COBLL1: variants seen among roughly 807,000 people sequenced by gnomAD.
COBLL1 encodes cordon-bleu protein-like 1.
In COBLL1, 50 loss-of-function variants were observed where a neutral mutation model predicts 94.8. That is an observed-to-expected ratio of 0.53 (90% CI 0.42 to 0.67). The LOEUF (loss-of-function observed/expected upper bound fraction) is 0.67. Ranked by LOEUF, COBLL1 falls within the 30% of genes least tolerant of loss-of-function variation. COBLL1 has a pLI of 0.00. For missense variants in COBLL1, 1,362 were observed against 1,348.7 expected (o/e 1.01, Z -0.15); for synonymous variants, 448 against 473.8 (o/e 0.95, Z 0.71).
chr2:164,714,383 A>C (rs933739418), intron 7 of COBLL1, among the ~76,000 whole-genome samples: 1 of 151,916 alleles, frequency 6.6e-6, no homozygotes, highest in Admixed American at 6.6e-5. Context: ...AAAAAAAAAA[A>C]AAAAAACCAG....
intron 2 of COBLL1, among the ~76,000 whole-genome samples, chr2:164,805,324 TC>T (rs1559033394): frequency 5.3e-5 from 3 of 57,058 alleles, no homozygotes; most frequent in African/African-American, 2.0e-4. Flanking sequence ...TCTCTCTCTC[TC>T]TCTCTCTCTC....
intron 2 of COBLL1, among the ~76,000 whole-genome samples, chr2:164,823,441 C>T (rs960278254): frequency 6.6e-6 from 1 of 152,110 alleles, no homozygotes; most frequent in African/African-American, 2.4e-5. Flanking sequence ...GTCCACAGGC[C>T]CAGTTTCTTC....
intron 2 of COBLL1, among the ~76,000 whole-genome samples, chr2:164,747,585 G>A (rs1574512494): frequency 6.6e-6 from 1 of 152,234 alleles, no homozygotes; most frequent in East Asian, 1.9e-4. Context: ...CCAGGTTCAA[G>A]CGATTCTTGT....
intron 2 of COBLL1, among the ~76,000 whole-genome samples, chr2:164,795,529 C>A (rs1460698763): frequency 2.0e-5 from 3 of 152,074 alleles, no homozygotes; most frequent in Non-Finnish European, 4.4e-5. Context: ...TGACCAATGA[C>A]CCGCTCCCAG....
intron 2 of COBLL1, among the ~76,000 whole-genome samples, chr2:164,753,285 T>C (rs1687215473): frequency 6.6e-6 from 1 of 152,154 alleles, no homozygotes; most frequent in African/African-American, 2.4e-5. Context: ...TCAATTATTT[T>C]ACATTTCAAC....
In COBLL1 at chr2:164,682,132, C is replaced by T. The variant is rs984161259; in HGVS notation, c.*3814G>A. 6.6e-6 allele frequency: 1 copy of T among 152,160 alleles called. No homozygotes were observed. The highest frequency in any genetic ancestry group is 1.5e-5 in the Non-Finnish European group (1 of 68,020). 9.4% of individuals were successfully genotyped at this position (152,160 alleles called of 1,614,324 possible). A position where few individuals can be genotyped will look rare whatever the true frequency, so the allele number is the denominator to read the frequency against. ...GTGGGACTCTGAGACTCCTCTGCTT[C>T]TGTGACCTTTGTAAAGTAGCAATCT... On this transcript the variant is annotated 3_prime_UTR_variant, in exon 14 of 14. Transcript: ENST00000652658.
intron 2 of COBLL1, among the ~76,000 whole-genome samples, chr2:164,767,351 A>G (rs1336742262): frequency 1.3e-5 from 2 of 152,206 alleles, no homozygotes; most frequent in Non-Finnish European, 2.9e-5. Flanking sequence ...TGATTTAGAA[A>G]AATTATCAAA....
chr2:164,742,228 CAG>C (rs1314045901), intron 3 of COBLL1, among the ~76,000 whole-genome samples: 1 of 151,830 alleles, frequency 6.6e-6, no homozygotes, highest in Non-Finnish European at 1.5e-5. Flanking sequence ...TGATAGCAAA[CAG>C]AGAATAAGGC....
rs77965336 is a variant in COBLL1 at position 164,765,798 on chromosome 2, T to C, written c.42-21923A>G. 5.2e-3 allele frequency among the ~76,000 whole-genome samples: 793 copies of C among 152,338 alleles called. 12 individuals carry two copies. Among genetic ancestry groups the C allele is most frequent in the African/African-American group, 0.018 (731 of 41,574 alleles). Reference sequence around the variant, plus strand: ...CTAATCAAAAATACATTTAGGAATATTGACCTCCTAAATGAAGGTCGCTTT... The same window carrying C: ...CTAATCAAAAATACATTTAGGAATACTGACCTCCTAAATGAAGGTCGCTTT... On this transcript the variant is annotated intron_variant, in intron 2 of 13. Coordinates refer to ENST00000652658, the MANE Select transcript of COBLL1 (RefSeq NM_001365672.2).
In COBLL1 at chr2:164,685,702, A is replaced by G; in HGVS notation, c.*244T>C. Reference sequence around the variant, plus strand: ...CATTTGTAAAAAATGAAAATCATTTACACCTTGTTTTAAAGTTCTAAAGCA... The same window carrying G: ...CATTTGTAAAAAATGAAAATCATTTGCACCTTGTTTTAAAGTTCTAAAGCA... On this transcript the variant is annotated 3_prime_UTR_variant, in exon 14 of 14. Coordinates refer to ENST00000652658, the MANE Select transcript of COBLL1 (RefSeq NM_001365672.2). 3.0e-6 allele frequency: 1 copy of G among 331,790 alleles called. No homozygotes were observed. Among genetic ancestry groups the G allele is most frequent in the Non-Finnish European group, 5.4e-6 (1 of 186,732 alleles). The allele number at this position is 331,790 out of a possible 1,614,324, so 20.6% of individuals were successfully genotyped here. A position where few individuals can be genotyped will look rare whatever the true frequency, so the allele number is the denominator to read the frequency against.
chr2:164,818,746 G>GTA (rs758908378), intron 2 of COBLL1, among the ~76,000 whole-genome samples: 2 of 141,526 alleles, frequency 1.4e-5, no homozygotes, highest in Non-Finnish European at 3.0e-5. Context: ...TAAACATATA[G>GTA]TATATATATG....
At chr2:164,816,499 C>T (rs1022977922) in intron 2 of COBLL1, among the ~76,000 whole-genome samples, 1 of 152,082 alleles carries the variant, frequency 6.6e-6, no homozygotes, top group Non-Finnish European at 1.5e-5. Context: ...TTGGAAATAA[C>T]CCTGCAGTGT....
intron 13 of COBLL1, 41 bp from the exon 14 acceptor site, chr2:164,686,073 T>A: frequency 9.1e-7 from 1 of 1,095,296 alleles, no homozygotes; most frequent in Non-Finnish European, 1.3e-6. Flanking sequence ...CAATTTAAAA[T>A]GGGATAGCTG....
chr2:164,785,549 G>A (rs774178540), intron 2 of COBLL1, among the ~76,000 whole-genome samples: 6 of 152,122 alleles, frequency 3.9e-5, no homozygotes, highest in Admixed American at 1.3e-4. Context: ...AATAGGCAAA[G>A]CCCTTCATGA....
At chr2:164,754,110 A>C (rs1687273835) in intron 2 of COBLL1, among the ~76,000 whole-genome samples, 1 of 152,160 alleles carries the variant, frequency 6.6e-6, no homozygotes, top group Admixed American at 6.5e-5. Context: ...ATAACATCTG[A>C]GTTGAGAAGT....
At chr2:164,776,576 T>TA (rs1688473029) in intron 2 of COBLL1, among the ~76,000 whole-genome samples, 1 of 151,892 alleles carries the variant, frequency 6.6e-6, no homozygotes, top group African/African-American at 2.4e-5. Context: ...TGTTTTTTTT[T>TA]AATTTATTTT....
chr2:164,687,840 T>G, intron 13 of COBLL1: 1 of 299,526 alleles, frequency 3.3e-6, no homozygotes, highest in Non-Finnish European at 6.3e-6. Context: ...ATAATTATTT[T>G]GTAATCCTTG....
At chr2:164,813,323 C>T (rs1358027515) in intron 2 of COBLL1, among the ~76,000 whole-genome samples, 1 of 151,962 alleles carries the variant, frequency 6.6e-6, no homozygotes, top group East Asian at 1.9e-4. Context: ...AACCATGTAC[C>T]CCTTGAAAGA....
chr2:164,825,485 T>C (rs527256530), intron 2 of COBLL1, among the ~76,000 whole-genome samples: 1 of 152,190 alleles, frequency 6.6e-6, no homozygotes, highest in African/African-American at 2.4e-5. Context: ...TAGCAGCCAA[T>C]TGCATTGAAA....
Sources: allele counts gnomAD v4.1 joint callset (sites outside exome capture counted in the v4.1 genomes callset), GRCh38; gene constraint gnomAD v4.1.1; transcripts MANE v1.5; gene names NCBI Gene and HGNC (gene_info 2026-07-23, HGNC 2026-07-21).